The following TNR variants were observed in gnomAD, a reference collection of about 807,000 sequenced individuals.
TNR encodes tenascin-R.
Under a neutral mutation model 150.4 loss-of-function variants are expected in TNR, and 45 were observed. The observed-to-expected ratio is 0.30, with a 90% CI of 0.24 to 0.38. The LOEUF is 0.38. Among genes scored for constraint, TNR ranks in the 10% least tolerant of loss-of-function variants. The pLI is 1.00. For missense variants in TNR, 1,544 were observed against 1,759.1 expected (o/e 0.88, Z 2.19); for synonymous variants, 687 against 678.4 (o/e 1.01, Z -0.20).
chr1:175,382,226 T>C (rs1652715115), intron 8 of TNR, among the ~76,000 whole-genome samples: 1 of 152,272 alleles, frequency 6.6e-6, no homozygotes, highest in Admixed American at 6.5e-5. Flanking sequence ...GTTTATTCTG[T>C]AGCCTCAGTG....
chr1:175,355,782 G>T (rs1651296138), intron 16 of TNR, 149 bp from the exon 17 acceptor site: 4 of 1,034,988 alleles, frequency 3.9e-6, no homozygotes, highest in Middle Eastern at 3.2e-4. Context: ...GAGCATAAAG[G>T]GTGCTCCTGG....
rs77412308 is a variant in TNR at position 175,602,402 on chromosome 1, A to T, written c.-164-74033T>A. Among the ~76,000 whole-genome samples the T allele has an allele frequency of 1.3e-3, 202 of 152,194 alleles. No individual in the cohort carries two copies. The East Asian group carries it at 0.031, about 24-fold the overall frequency. ...AGCTAAAAAAATGTGTATATCTAAT[A>T]AGTTCCCAGGTGATAGTGATATTGC... On this transcript the variant is annotated intron_variant, in intron 1 of 22. Coordinates refer to ENST00000367674, the MANE Select transcript of TNR (RefSeq NM_003285.3).
At chr1:175,438,400 C>G (rs374608649) in intron 2 of TNR, among the ~76,000 whole-genome samples, 1 of 152,080 alleles carries the variant, frequency 6.6e-6, no homozygotes, top group African/African-American at 2.4e-5. Flanking sequence ...GAGCTATCTA[C>G]GACAAACCCA....
At chr1:175,410,425 G>A (rs1221209411) in intron 2 of TNR, among the ~76,000 whole-genome samples, 2 of 152,134 alleles carry the variant, frequency 1.3e-5, no homozygotes, top group African/African-American at 4.8e-5. Context: ...GCAATATAAC[G>A]ACAATGCAAT....
intron 1 of TNR, among the ~76,000 whole-genome samples, chr1:175,559,189 T>G (rs867683048): frequency 2.6e-5 from 4 of 152,348 alleles, no homozygotes; most frequent in Middle Eastern, 3.4e-3. Context: ...ATATGTGGTT[T>G]CATTGGTAGT....
chr1:175,361,876 G>A (rs976663259), intron 14 of TNR, among the ~76,000 whole-genome samples: 6 of 152,186 alleles, frequency 3.9e-5, no homozygotes, highest in Non-Finnish European at 4.4e-5. Flanking sequence ...GGCCAGAGAC[G>A]GAGGAGCAGT....
intron 1 of TNR, among the ~76,000 whole-genome samples, chr1:175,710,447 A>T (rs1293601670): frequency 6.6e-6 from 1 of 152,142 alleles, no homozygotes; most frequent in African/African-American, 2.4e-5. Flanking sequence ...TCTATAGCTC[A>T]GTGACCTGCA....
chr1:175,526,128 G>C (rs1289184585), intron 2 of TNR, among the ~76,000 whole-genome samples: 3 of 151,664 alleles, frequency 2.0e-5, no homozygotes, highest in Non-Finnish European at 2.9e-5. Flanking sequence ...TTTCCTTTTT[G>C]GGAGTGAACC....
At chr1:175,453,770 G>A (rs775824464) in intron 2 of TNR, among the ~76,000 whole-genome samples, 2 of 152,048 alleles carry the variant, frequency 1.3e-5, no homozygotes, top group Non-Finnish European at 2.9e-5. Context: ...ACTATGTCTC[G>A]CTTTGTTGTC....
intron 18 of TNR, among the ~76,000 whole-genome samples, chr1:175,350,305 A>G (rs956450266): frequency 6.6e-6 from 1 of 152,202 alleles, no homozygotes; most frequent in African/African-American, 2.4e-5. Context: ...CAAGGTCAAG[A>G]CAACCTATTT....
chr1:175,490,553 G>A (rs1357769373), intron 2 of TNR, among the ~76,000 whole-genome samples: 3 of 152,048 alleles, frequency 2.0e-5, no homozygotes, highest in Non-Finnish European at 4.4e-5. Flanking sequence ...TTAAAAAGTG[G>A]GCAAAAGACA....
intron 1 of TNR, among the ~76,000 whole-genome samples, chr1:175,677,027 C>T (rs1004091563): frequency 1.3e-5 from 2 of 152,152 alleles, no homozygotes; most frequent in Admixed American, 6.5e-5. Flanking sequence ...AAGAAGTAGC[C>T]GAGATAGGAT....
chr1:175,515,148 C>T (rs550314483), intron 2 of TNR, among the ~76,000 whole-genome samples: 6 of 152,282 alleles, frequency 3.9e-5, no homozygotes, highest in East Asian at 3.9e-4. Context: ...ATCATGTGAT[C>T]GGGTGTATTT....
intron 1 of TNR, among the ~76,000 whole-genome samples, chr1:175,716,600 A>G (rs905656653): frequency 6.6e-6 from 1 of 152,130 alleles, no homozygotes; most frequent in African/African-American, 2.4e-5. Flanking sequence ...TGTGGAACCA[A>G]CCATCCCCTG....
intron 2 of TNR, among the ~76,000 whole-genome samples, chr1:175,438,182 A>G (rs369654034): frequency 1.3e-5 from 2 of 152,132 alleles, no homozygotes; most frequent in African/African-American, 2.4e-5. Context: ...TATCCACCAT[A>G]ATCAAGTGGG....
At chr1:175,557,510 C>G (rs568558547) in intron 1 of TNR, among the ~76,000 whole-genome samples, 2 of 152,310 alleles carry the variant, frequency 1.3e-5, no homozygotes, top group African/African-American at 4.8e-5. Context: ...GCACCTTGGA[C>G]AGTTCACATC....
At chr1:175,573,901 A>G (rs1661989120) in intron 1 of TNR, among the ~76,000 whole-genome samples, 2 of 152,228 alleles carry the variant, frequency 1.3e-5, no homozygotes, top group South Asian at 4.1e-4. Context: ...AGAAAAGCCC[A>G]CAATAAGGCT....
At chr1:175,484,526 G>GTCTT (rs1657930311) in intron 2 of TNR, among the ~76,000 whole-genome samples, 2 of 151,650 alleles carry the variant, frequency 1.3e-5, no homozygotes, top group South Asian at 4.2e-4. Context: ...GCCTCTCCTA[G>GTCTT]TCTTTCTCTC....
chr1:175,461,639 A>G (rs1289342653), intron 2 of TNR, among the ~76,000 whole-genome samples: 1 of 152,142 alleles, frequency 6.6e-6, no homozygotes, highest in Admixed American at 6.5e-5. Context: ...TCTCTTGGAA[A>G]ATCTTACTTC....
Sources: gnomAD v4.1 joint callset for allele counts (sites outside exome capture counted in the v4.1 genomes callset) on GRCh38, gnomAD v4.1.1 for gene constraint, MANE v1.5 for transcripts, NCBI Gene and HGNC (gene_info 2026-07-23, HGNC 2026-07-21) for gene names.